Variants in PCDHGB6 observed in about 807,000 individuals in gnomAD.
PCDHGB6 encodes protocadherin gamma-B6.
In PCDHGB6, 51 loss-of-function variants were observed where a neutral mutation model predicts 59.1. The ratio of observed to expected loss-of-function variants is 0.86; its 90% CI spans 0.69 to 1.09. The LOEUF (loss-of-function observed/expected upper bound fraction) is 1.09. Among genes scored for constraint, PCDHGB6 ranks in the 50% least tolerant of loss-of-function variants. The probability of loss-of-function intolerance (pLI) is 0.00; values close to 1 mark genes in which losing one functional copy is unlikely to be tolerated. For synonymous variants in PCDHGB6, 466 were observed against 495.1 expected (o/e 0.94, Z 0.78); for missense variants, 1,148 against 1,205.1 (o/e 0.95, Z 0.70).
intron 1 of PCDHGB6, chr5:141,419,472 G>A (rs1392935171): frequency 6.2e-7 from 1 of 1,612,330 alleles, no homozygotes; most frequent in Non-Finnish European, 8.5e-7. Flanking sequence ...CGCGACCAGG[G>A]CTCGCCCGCG....
intron 1 of PCDHGB6, chr5:141,417,735 C>T (rs1408012587): frequency 1.4e-6 from 2 of 1,398,382 alleles, no homozygotes; most frequent in African/African-American, 2.9e-5. Flanking sequence ...CCTTGCCCAG[C>T]ACACCAGATT....
chr5:141,413,262 G>A (rs2095621152), intron 1 of PCDHGB6: 2 of 1,613,960 alleles, frequency 1.2e-6, no homozygotes, highest in South Asian at 1.1e-5. Context: ...TTCCATGGGA[G>A]GCTGGAGCCC....
At chr5:141,415,264 C>G (rs1342050986) in intron 1 of PCDHGB6, 2 of 1,614,210 alleles carry the variant, frequency 1.2e-6, no homozygotes, top group Non-Finnish European at 1.7e-6. Flanking sequence ...CACTCTGTAC[C>G]TGGTGGTAGC....
intron 1 of PCDHGB6, among the ~76,000 whole-genome samples, chr5:141,455,907 ATTTATTTT>A (rs1199495676): frequency 7.1e-5 from 9 of 126,872 alleles, no homozygotes; most frequent in African/African-American, 1.1e-4. Context: ...TTATTTATTT[ATTTATTTT>A]GAGACGGAGT....
rs766431596 is a variant in PCDHGB6 at position 141,422,883 on chromosome 5, C to T, written c.2418+12263C>T. The T allele has an allele frequency of 3.7e-6, 6 of 1,614,124 alleles. No homozygotes were observed. The African/African-American group carries it at 4.0e-5, about 11-fold the overall frequency. Reference sequence around the variant, plus strand: ...GCAGCAACGTGTCGCTGAGCCTGTTCGTGCTGGACCAGAACGACAATGCGC... The same window carrying T: ...GCAGCAACGTGTCGCTGAGCCTGTTTGTGCTGGACCAGAACGACAATGCGC... On this transcript the variant is annotated intron_variant, in intron 1 of 3. Transcript: ENST00000520790.
At chr5:141,426,879 G>C (rs1222564201) in intron 1 of PCDHGB6, 3 of 456,710 alleles carry the variant, frequency 6.6e-6, no homozygotes, top group Non-Finnish European at 1.3e-5. Context: ...GAAGCCCCTG[G>C]GCCAGGAGCA....
intron 1 of PCDHGB6, 74 bp downstream of exon 1, chr5:141,410,694 T>C: frequency 6.7e-7 from 1 of 1,493,788 alleles, no homozygotes; most frequent in Non-Finnish European, 8.9e-7. Context: ...TACTACTTTA[T>C]TTTCATATCT....
intron 1 of PCDHGB6, among the ~76,000 whole-genome samples, chr5:141,455,133 CTG>C (rs2098814252): frequency 6.6e-6 from 1 of 151,392 alleles, no homozygotes; most frequent in African/African-American, 2.4e-5. Flanking sequence ...TTAAATTACA[CTG>C]TGTTAAATAA....
intron 1 of PCDHGB6, among the ~76,000 whole-genome samples, chr5:141,466,121 CA>C (rs908379481): frequency 4.8e-5 from 7 of 146,852 alleles, no homozygotes; most frequent in Non-Finnish European, 6.0e-5. Context: ...GACTCCAGCT[CA>C]AAAAAAAAAT....
At chr5:141,413,411 T>TC in intron 1 of PCDHGB6, 1 of 1,614,038 alleles carries the variant, frequency 6.2e-7, no homozygotes, top group Non-Finnish European at 8.5e-7. Flanking sequence ...ACGCAGCTTT[T>TC]CTCTCTGAAC....
rs780808768 is a variant in PCDHGB6 at position 141,410,370 on chromosome 5, C to T, written c.2168C>T (p.Thr723Ile). ...LRLRRSLSPATWDCFHPGLCV... is the reference protein window; with the variant it reads ...LRLRRSLSPAIWDCFHPGLCV... ...CTGCGACGCTCTCTCAGCCCTGCTA[C>T]TTGGGACTGCTTCCATCCTGGTCTC... The change falls in exon 1 of 4, where the codon ACT (threonine) becomes ATT (isoleucine). Residue 723 changes from threonine to isoleucine, a missense_variant. Physicochemically the swap from Thr to Ile is moderately conservative, Grantham distance 89. Coordinates refer to ENST00000520790, the MANE Select transcript of PCDHGB6 (RefSeq NM_018926.3). 1.2e-6 allele frequency: 2 copies of T among 1,614,060 alleles called. No individual in the cohort carries two copies. The highest frequency in any genetic ancestry group is 2.2e-5 in the South Asian group (2 of 91,088).
At chr5:141,420,391 G>C in intron 1 of PCDHGB6, 1 of 1,270,636 alleles carries the variant, frequency 7.9e-7, no homozygotes, top group Non-Finnish European at 1.0e-6. Flanking sequence ...GCAAAATATA[G>C]GTCAAATTTA....
chr5:141,450,931 T>G (rs571428678), intron 1 of PCDHGB6, among the ~76,000 whole-genome samples: 2 of 151,650 alleles, frequency 1.3e-5, no homozygotes, highest in African/African-American at 4.8e-5. Flanking sequence ...TTCAAGCAAT[T>G]CTCCTACCTC....
At chr5:141,510,873 T>A in intron 3 of PCDHGB6, 74 bp from the exon 4 acceptor site, 1 of 1,609,964 alleles carries the variant, frequency 6.2e-7, no homozygotes, top group Non-Finnish European at 8.5e-7. Flanking sequence ...ATTCATTAAC[T>A]GCTGGGGATA....
intron 1 of PCDHGB6, among the ~76,000 whole-genome samples, chr5:141,447,984 G>C (rs1300057273): frequency 6.6e-6 from 1 of 151,952 alleles, no homozygotes; most frequent in African/African-American, 2.4e-5. Context: ...TACTCGGGAG[G>C]CTGAGGCATG....
Position 141,502,395 on chromosome 5 carries a change from G to A in PCDHGB6, c.2478-2998G>A, listed in dbSNP as rs115188718. The stretch of plus-strand genomic sequence containing the variant: ...GTCCAGGCCAGTTGTACTTTAAAAT[G>A]TCCCCGAACCTGGATTTGCTGGCTA... On this transcript the variant is annotated intron_variant, in intron 2 of 3. Transcript: ENST00000520790. Among the ~76,000 whole-genome samples, 610 of 151,894 alleles carry A rather than the reference G, an allele frequency of 4.0e-3. 3 individuals carry two copies. Among genetic ancestry groups the A allele is most frequent in the African/African-American group, 0.013 (553 of 41,410 alleles).
In PCDHGB6 at chr5:141,472,879, G is replaced by A. The variant is rs541980402; in HGVS notation, c.2419-21928G>A. Among the ~76,000 whole-genome samples the A allele has an allele frequency of 3.3e-5, 5 of 151,694 alleles. No homozygotes were observed. The South Asian group carries it at 6.2e-4, about 19-fold the overall frequency. ...CACATGCCTGTATTCCCAGCTACTC[G>A]GGAGGCTGAGGCAGGAGAATTGCTT... On this transcript the variant is annotated intron_variant, in intron 1 of 3. Coordinates refer to ENST00000520790, the MANE Select transcript of PCDHGB6 (RefSeq NM_018926.3).
chr5:141,414,106 CTAGA>C, intron 1 of PCDHGB6: 1 of 1,592,656 alleles, frequency 6.3e-7, no homozygotes, highest in Non-Finnish European at 8.6e-7. Flanking sequence ...ATCAGAAAAT[CTAGA>C]TTATGAAGAA....
chr5:141,438,152 G>A (rs184819165), intron 1 of PCDHGB6, among the ~76,000 whole-genome samples: 1 of 152,250 alleles, frequency 6.6e-6, no homozygotes, highest in African/African-American at 2.4e-5. Flanking sequence ...CCAGCCTATG[G>A]CAAAGCTAAT....
Sources: gnomAD v4.1 joint callset for allele counts (sites outside exome capture counted in the v4.1 genomes callset) on GRCh38, gnomAD v4.1.1 for gene constraint, MANE v1.5 for transcripts, NCBI Gene and HGNC (gene_info 2026-07-23, HGNC 2026-07-21) for gene names.